Variants in TOP1 observed in about 807,000 individuals in gnomAD.
TOP1 encodes DNA topoisomerase I.
TOP1 carries 10 observed loss-of-function variants against 111.1 expected under a neutral mutation model. That is an observed-to-expected ratio of 0.09 (90% CI 0.06 to 0.15). The LOEUF (loss-of-function observed/expected upper bound fraction) is 0.15, where lower values mean the gene tolerates loss of function less well. TOP1 is among the 10% of genes least tolerant of loss of function. The pLI, the probability that TOP1 is intolerant of heterozygous loss-of-function variation, is 1.00. For synonymous variants in TOP1, 271 were observed against 302.9 expected, an observed-to-expected ratio of 0.89 and a Z score of 1.10; for missense variants, 474 against 926.7, an observed-to-expected ratio of 0.51 and a Z score of 6.34.
chr20:41,101,643 G>A lies in TOP1; in HGVS notation c.1308+290G>A, dbSNP rs1169395382. 2.0e-5 allele frequency among the ~76,000 whole-genome samples: 3 copies of A among 152,212 alleles called. No homozygotes were observed. The highest frequency in any genetic ancestry group is 1.3e-4 in the Admixed American group (2 of 15,288). On this transcript the variant is annotated intron_variant, in intron 13 of 20. Transcript: ENST00000361337. This position sits in a 1 kb window ranked among gnomAD's most constrained non-coding sequence, Gnocchi z 4.1. ...AATTATGTTGGTAAACAAGATAGAC[G>A]TAGGCCCTGCCTTCATATTGCTTAA...
chr20:41,090,449 T>C (rs533670797), intron 8 of TOP1, among the ~76,000 whole-genome samples: 55 of 152,370 alleles, frequency 3.6e-4, no homozygotes, highest in African/African-American at 1.3e-3. Context: ...TGAGTTGTCT[T>C]TCACTCTCTT....
Position 41,114,191 on chromosome 20 carries a change from C to G in TOP1, c.1638+36C>G, listed in dbSNP as rs774656445. On this transcript the variant is annotated intron_variant, in intron 15 of 20. Coordinates refer to ENST00000361337, the MANE Select transcript of TOP1 (RefSeq NM_003286.4). The surrounding 1 kb of genome is among the most constrained non-coding windows in gnomAD (Gnocchi z 4.5). ...GTACCTGTACTGTCTGACTTGTTTT[C>G]CATTATTCAACAAGCATGGGTTGAC... The G allele has an allele frequency of 7.0e-6, 11 of 1,560,796 alleles. No individual in the cohort carries two copies. The highest frequency in any genetic ancestry group is 9.6e-6 in the Non-Finnish European group (11 of 1,142,986).
chr20:41,084,402 C>T (rs934523138), intron 7 of TOP1, 60 bp from the exon 8 acceptor site: 4 of 1,058,090 alleles, frequency 3.8e-6, no homozygotes, highest in South Asian at 1.7e-5. Context: ...CTCCCAAAAA[C>T]TGCCTCCAGA....
Position 41,076,776 on chromosome 20 carries a change from G to A in TOP1, c.279+482G>A, listed in dbSNP as rs575155806. ...TTGTTTTTATTTTAGCTTTGAAAAAGTAATTTTTGTACTTGGTAAATTCAG... is the reference window on the plus strand; with the variant it reads ...TTGTTTTTATTTTAGCTTTGAAAAAATAATTTTTGTACTTGGTAAATTCAG... On this transcript the variant is annotated intron_variant, in intron 4 of 20. Transcript: ENST00000361337. Among the ~76,000 whole-genome samples, 115 of 152,258 alleles carry A rather than the reference G, an allele frequency of 7.6e-4. 2 individuals carry two copies. Among genetic ancestry groups the A allele is most frequent in the African/African-American group, 2.7e-3 (113 of 41,538 alleles).
At chr20:41,054,099 T>C (rs567874020) in intron 2 of TOP1, among the ~76,000 whole-genome samples, 4 of 152,180 alleles carry the variant, frequency 2.6e-5, no homozygotes, top group South Asian at 4.1e-4. Flanking sequence ...GCACAAAATA[T>C]ACATTTAGTA....
At chr20:41,042,667 G>A (rs1376447913) in intron 2 of TOP1, among the ~76,000 whole-genome samples, 1 of 152,170 alleles carries the variant, frequency 6.6e-6, no homozygotes, top group East Asian at 1.9e-4. Context: ...AACAACACGA[G>A]GGTTAGGGAT....
intron 13 of TOP1, among the ~76,000 whole-genome samples, chr20:41,108,740 T>C (rs2034187784): frequency 6.6e-6 from 1 of 152,216 alleles, no homozygotes; most frequent in Non-Finnish European, 1.5e-5. Flanking sequence ...CAGCTAGCCT[T>C]CTGGAACCTG....
Position 41,122,871 on chromosome 20 carries a change from A to G in TOP1, c.2196-324A>G, listed in dbSNP as rs1183939208. Among the ~76,000 whole-genome samples, 3 of 152,236 alleles carry G rather than the reference A, an allele frequency of 2.0e-5. No homozygotes were observed. The highest frequency in any genetic ancestry group is 4.4e-5 in the Non-Finnish European group (3 of 68,044). On this transcript the variant is annotated intron_variant, in intron 20 of 20. Transcript: ENST00000361337. This position sits in a 1 kb window ranked among gnomAD's most constrained non-coding sequence, Gnocchi z 5.4. ...GCAATATAGTATAGTGGTTAAGAAC[A>G]TGGAGAAAAACTGCTTGGGTTCAAA... is the stretch of plus-strand genomic sequence containing the variant.
At position 41,091,167 on chromosome 20, in the gene TOP1, A is replaced by G. The variant is rs994000828; in HGVS notation, c.615-1305A>G. 3.0e-4 allele frequency among the ~76,000 whole-genome samples: 46 copies of G among 152,230 alleles called. 1 individual carries two copies. The highest frequency in any genetic ancestry group is 2.6e-4 in the Non-Finnish European group (18 of 68,042). ...TTGATGTTTCTGAACTTTGTTTAAAATATTGGACTTGTTCCATGGCTGAAT... is the reference window on the plus strand; with the variant it reads ...TTGATGTTTCTGAACTTTGTTTAAAGTATTGGACTTGTTCCATGGCTGAAT... On this transcript the variant is annotated intron_variant, in intron 8 of 20. Coordinates refer to ENST00000361337, the MANE Select transcript of TOP1 (RefSeq NM_003286.4).
chr20:41,029,507 C>G lies in TOP1; in HGVS notation c.58+52C>G, dbSNP rs762357920. On this transcript the variant is annotated intron_variant, in intron 2 of 20. Transcript: ENST00000361337. The surrounding 1 kb of genome is among the most constrained non-coding windows in gnomAD (Gnocchi z 6.1). ...GGGGCCCCCCAGCCGCCGGCCGCCT[C>G]CCCCGCGCCCTGCCGGTGCCGGGCA... is the stretch of plus-strand genomic sequence containing the variant. The G allele has an allele frequency of 3.4e-6, 5 of 1,458,822 alleles. No individual in the cohort carries two copies. Among genetic ancestry groups the G allele is most frequent in the Non-Finnish European group, 4.7e-6 (5 of 1,067,002 alleles). The allele number at this position is 1,458,822 out of a possible 1,614,324, so 90.4% of individuals were successfully genotyped here.
chr20:41,080,065 G>A lies in TOP1; in HGVS notation c.336-20G>A. ...TACAGATGTTCTAGCACTCTGACCAGCAATTTTTTTTCTCTTTAGTCCACC... is the reference window on the plus strand; with the variant it reads ...TACAGATGTTCTAGCACTCTGACCAACAATTTTTTTTCTCTTTAGTCCACC... On this transcript the variant is annotated intron_variant, in intron 5 of 20. Transcript: ENST00000361337. This position sits in a 1 kb window ranked among gnomAD's most constrained non-coding sequence, Gnocchi z 5.0. 2 of 1,495,566 alleles carry A rather than the reference G, an allele frequency of 1.3e-6. No homozygotes were observed. Among genetic ancestry groups the A allele is most frequent in the Non-Finnish European group, 1.9e-6 (2 of 1,077,682 alleles). 92.6% of individuals were successfully genotyped at this position (1,495,566 alleles called of 1,614,324 possible).
rs1383422878 is a variant in TOP1 at position 41,121,601 on chromosome 20, G to A, written c.1951-95G>A. ...TTTTATCTGACAAACCACTGACAGA[G>A]ACAGCCTGGTCCAGATAACATCTTG... is the stretch of plus-strand genomic sequence containing the variant. On this transcript the variant is annotated intron_variant, in intron 18 of 20. Transcript: ENST00000361337. The surrounding 1 kb of genome is among the most constrained non-coding windows in gnomAD (Gnocchi z 4.2). The A allele has an allele frequency of 1.4e-5, 13 of 948,758 alleles. No homozygotes were observed. The East Asian group carries it at 3.1e-4, about 23-fold the overall frequency. 58.8% of individuals were successfully genotyped at this position (948,758 alleles called of 1,614,324 possible).
chr20:41,109,683 C>G lies in TOP1; in HGVS notation c.1309-3099C>G, dbSNP rs556755564. Among the ~76,000 whole-genome samples the G allele has an allele frequency of 4.2e-4, 64 of 152,208 alleles. No individual in the cohort carries two copies. Among genetic ancestry groups the G allele is most frequent in the African/African-American group, 1.5e-3 (61 of 41,536 alleles). On this transcript the variant is annotated intron_variant, in intron 13 of 20. Transcript: ENST00000361337. The surrounding 1 kb of genome is among the most constrained non-coding windows in gnomAD (Gnocchi z 4.1). The stretch of plus-strand genomic sequence containing the variant: ...AACATATACTATACAAAAGAAGATA[C>G]AGGAATGGTCAATAAATAAGCAAAT...
chr20:41,082,641 G>A lies in TOP1; in HGVS notation c.507+1401G>A, dbSNP rs1401467256. 2.0e-5 allele frequency among the ~76,000 whole-genome samples: 3 copies of A among 152,204 alleles called. No homozygotes were observed. The highest frequency in any genetic ancestry group is 4.8e-5 in the African/African-American group (2 of 41,452). Reference sequence around the variant, plus strand: ...GAGTTGAGCCATAGAGAGATGATCAGGTCCTGAATTTAGAAGGTTGCCGTT... The same window carrying A: ...GAGTTGAGCCATAGAGAGATGATCAAGTCCTGAATTTAGAAGGTTGCCGTT... On this transcript the variant is annotated intron_variant, in intron 7 of 20. Transcript: ENST00000361337. The surrounding 1 kb of genome is among the most constrained non-coding windows in gnomAD (Gnocchi z 4.1).
Position 41,080,209 on chromosome 20 carries a change from T to C in TOP1, c.431+29T>C. The C allele has an allele frequency of 1.4e-6, 2 of 1,384,878 alleles. No individual in the cohort carries two copies. 85.8% of individuals were successfully genotyped at this position (1,384,878 alleles called of 1,614,324 possible). On this transcript the variant is annotated intron_variant, in intron 6 of 20. Coordinates refer to ENST00000361337, the MANE Select transcript of TOP1 (RefSeq NM_003286.4). This position sits in a 1 kb window ranked among gnomAD's most constrained non-coding sequence, Gnocchi z 5.0. Reference sequence around the variant, plus strand: ...AGTATTTTCTTAAAACTTTGACTTTTGAAAACAAAAAGGAGGAGTTTAAAG... The same window carrying C: ...AGTATTTTCTTAAAACTTTGACTTTCGAAAACAAAAAGGAGGAGTTTAAAG...
At chr20:41,055,851 A>G (rs866254743) in intron 2 of TOP1, among the ~76,000 whole-genome samples, 2 of 152,112 alleles carry the variant, frequency 1.3e-5, no homozygotes, top group African/African-American at 4.8e-5. Context: ...ATCTCTTACT[A>G]TGCCTTAACA....
At position 41,109,414 on chromosome 20, in the gene TOP1, G is replaced by C. The variant is rs1311441724; in HGVS notation, c.1309-3368G>C. ...CATGGTTGAATATGACCTTAGAGTA[G>C]ATTCCTTAGGACAGAAAAACACCAA... On this transcript the variant is annotated intron_variant, in intron 13 of 20. Coordinates refer to ENST00000361337, the MANE Select transcript of TOP1 (RefSeq NM_003286.4). This position sits in a 1 kb window ranked among gnomAD's most constrained non-coding sequence, Gnocchi z 4.1. Among the ~76,000 whole-genome samples the C allele has an allele frequency of 6.6e-6, 1 of 152,104 alleles. No homozygotes were observed. The highest frequency in any genetic ancestry group is 1.5e-5 in the Non-Finnish European group (1 of 68,014).
intron 13 of TOP1, among the ~76,000 whole-genome samples, chr20:41,107,854 G>C: frequency 6.6e-6 from 1 of 152,014 alleles, no homozygotes; most frequent in Non-Finnish European, 1.5e-5. Context: ...GTCTTGGAGG[G>C]AGTCTCTTAG....
chr20:41,093,186 G>A (rs550619278), intron 9 of TOP1, among the ~76,000 whole-genome samples: 38 of 152,160 alleles, frequency 2.5e-4, no homozygotes, highest in Non-Finnish European at 3.8e-4. Flanking sequence ...CTTATCTGTC[G>A]TTGGTATTTG....
Sources: allele counts gnomAD v4.1 joint callset (sites outside exome capture counted in the v4.1 genomes callset), GRCh38; gene constraint gnomAD v4.1.1; non-coding constraint Gnocchi (gnomAD v3.1); transcripts MANE v1.5; gene names NCBI Gene and HGNC (gene_info 2026-07-23, HGNC 2026-07-21).